Variants in PSMA1 observed in about 807,000 individuals in gnomAD.
The protein encoded by PSMA1 is proteasome subunit alpha type-1.
PSMA1 carries 3 observed loss-of-function variants against 38.4 expected under a neutral mutation model. The ratio of observed to expected loss-of-function variants is 0.08; its 90% CI spans 0.04 to 0.20. PSMA1 has a LOEUF of 0.20. Among genes scored for constraint, PSMA1 ranks in the 10% least tolerant of loss-of-function variants. PSMA1 has a pLI of 1.00. For synonymous variants in PSMA1, 101 were observed against 107.1 expected (o/e 0.94, Z 0.35); for missense variants, 227 against 325.3 (o/e 0.70, Z 2.32).
chr11:14,545,525 A>C (rs993376601), intron 2 of PSMA1, among the ~76,000 whole-genome samples: 1 of 151,942 alleles, frequency 6.6e-6, no homozygotes, highest in Non-Finnish European at 1.5e-5. Flanking sequence ...ATGTGTTCTC[A>C]TTGTTCAGTT....
intron 1 of PSMA1, 199 bp downstream of exon 1, chr11:14,520,098 G>C (rs1217735014): frequency 3.8e-6 from 3 of 786,816 alleles, no homozygotes; most frequent in East Asian, 2.6e-5. Context: ...GAAAGCGGTG[G>C]AAAGGCCGCA....
At chr11:14,554,935 T>C (rs1486461660) in intron 2 of PSMA1, among the ~76,000 whole-genome samples, 1 of 152,252 alleles carries the variant, frequency 6.6e-6, no homozygotes, top group Admixed American at 6.5e-5. Flanking sequence ...CTTACTACTA[T>C]GCTTTATTGC....
intron 2 of PSMA1, among the ~76,000 whole-genome samples, chr11:14,542,731 G>A (rs1851785861): frequency 6.6e-6 from 1 of 152,200 alleles, no homozygotes. Flanking sequence ...TTACAGGGCA[G>A]GAACCTGAGT....
At chr11:14,514,819 C>T (rs554658955) in intron 4 of PSMA1, among the ~76,000 whole-genome samples, 3 of 152,270 alleles carry the variant, frequency 2.0e-5, no homozygotes, top group African/African-American at 4.8e-5. Flanking sequence ...GCAAGCTTGT[C>T]GTAATTCTAG....
chr11:14,619,503 A>G (rs1256813616), intron 1 of PSMA1, among the ~76,000 whole-genome samples: 1 of 152,190 alleles, frequency 6.6e-6, no homozygotes, highest in Admixed American at 6.5e-5. Flanking sequence ...CGAAGAGGAG[A>G]GGTTAATTCT....
intron 2 of PSMA1, among the ~76,000 whole-genome samples, chr11:14,571,840 CA>C (rs1166006102): frequency 6.7e-6 from 1 of 148,720 alleles, no homozygotes; most frequent in South Asian, 2.1e-4. Flanking sequence ...AAATGGAAAA[CA>C]AAAAAAAAGC....
chr11:14,507,210 C>T (rs1851258139), intron 9 of PSMA1, among the ~76,000 whole-genome samples: 1 of 151,800 alleles, frequency 6.6e-6, no homozygotes, highest in African/African-American at 2.4e-5. Flanking sequence ...TCTCTGTCGC[C>T]CAGGCTGGAG....
chr11:14,562,475 A>G (rs1484180568), intron 2 of PSMA1, among the ~76,000 whole-genome samples: 1 of 152,168 alleles, frequency 6.6e-6, no homozygotes, highest in East Asian at 1.9e-4. Context: ...CCTTTACCAT[A>G]CTGGCTCAGA....
At chr11:14,505,287 A>T in intron 9 of PSMA1, 39 bp from the exon 10 acceptor site, 1 of 1,514,676 alleles carries the variant, frequency 6.6e-7, no homozygotes, top group Non-Finnish European at 9.2e-7. Context: ...TGTAAAATGA[A>T]CACTTGATCA....
intron 2 of PSMA1, among the ~76,000 whole-genome samples, chr11:14,559,963 C>T (rs1309563362): frequency 6.6e-6 from 1 of 152,090 alleles, no homozygotes; most frequent in East Asian, 1.9e-4. Flanking sequence ...CTTGGCCAAT[C>T]CTACAGGGAG....
At chr11:14,589,715 C>A (rs1295749387) in intron 2 of PSMA1, among the ~76,000 whole-genome samples, 1 of 152,094 alleles carries the variant, frequency 6.6e-6, no homozygotes, top group Non-Finnish European at 1.5e-5. Flanking sequence ...ATGATAACAT[C>A]AAGGTTGTCT....
chr11:14,532,683 C>T (rs1036697788), intron 2 of PSMA1, among the ~76,000 whole-genome samples: 2 of 150,774 alleles, frequency 1.3e-5, no homozygotes, highest in Non-Finnish European at 2.9e-5. Flanking sequence ...CTAGGTGGCT[C>T]ATGCCTGTAA....
At chr11:14,533,027 A>C (rs1242851850) in intron 2 of PSMA1, among the ~76,000 whole-genome samples, 1 of 152,228 alleles carries the variant, frequency 6.6e-6, no homozygotes, top group Admixed American at 6.5e-5. Flanking sequence ...AAGGGAGAAT[A>C]TCCTGAGAAT....
At chr11:14,623,895 G>A (rs1161941049) in intron 1 of PSMA1, among the ~76,000 whole-genome samples, 1 of 152,174 alleles carries the variant, frequency 6.6e-6, no homozygotes, top group African/African-American at 2.4e-5. Flanking sequence ...CCACTTGGTG[G>A]TAAGTCAACT....
At chr11:14,507,036 A>G (rs894391944) in intron 9 of PSMA1, among the ~76,000 whole-genome samples, 4 of 152,210 alleles carry the variant, frequency 2.6e-5, no homozygotes, top group Non-Finnish European at 5.9e-5. Flanking sequence ...GAGACCAGCA[A>G]AGAACCATGT....
At chr11:14,621,978 G>A (rs1307807497) in intron 1 of PSMA1, among the ~76,000 whole-genome samples, 2 of 152,136 alleles carry the variant, frequency 1.3e-5, no homozygotes, top group Admixed American at 6.5e-5. Context: ...AGGGTCATCA[G>A]CTAAATCAAC....
chr11:14,603,794 T>C (rs1852612613), intron 2 of PSMA1, among the ~76,000 whole-genome samples: 1 of 152,176 alleles, frequency 6.6e-6, no homozygotes, highest in Non-Finnish European at 1.5e-5. Flanking sequence ...AGAAATGTAG[T>C]GACAGGGAAA....
chr11:14,637,697 T>C (rs569401700), intron 1 of PSMA1, among the ~76,000 whole-genome samples: 1 of 152,308 alleles, frequency 6.6e-6, no homozygotes, highest in East Asian at 1.9e-4. Flanking sequence ...TAAGATAATA[T>C]TATGTATGCA....
intron 2 of PSMA1, among the ~76,000 whole-genome samples, chr11:14,557,975 G>C (rs1336170586): frequency 1.3e-5 from 2 of 152,040 alleles, no homozygotes; most frequent in Non-Finnish European, 1.5e-5. Flanking sequence ...TCTCTGATTT[G>C]TCCCAGTATG....
Sources: allele counts gnomAD v4.1 joint callset (sites outside exome capture counted in the v4.1 genomes callset), GRCh38; gene constraint gnomAD v4.1.1; transcripts MANE v1.5; gene names NCBI Gene and HGNC (gene_info 2026-07-23, HGNC 2026-07-21).